Variants in MYO5B observed in about 807,000 individuals in gnomAD.
MYO5B encodes unconventional myosin-Vb.
MYO5B carries 143 observed loss-of-function variants against 229.3 expected under a neutral mutation model. The ratio of observed to expected loss-of-function variants is 0.62; its 90% CI spans 0.54 to 0.72. The LOEUF is 0.72. Ranked by LOEUF, MYO5B falls within the 30% of genes least tolerant of loss-of-function variation. MYO5B has a pLI of 0.00. For synonymous variants in MYO5B, 918 were observed against 885.2 expected, an observed-to-expected ratio of 1.04 and a Z score of -0.66; for missense variants, 2,321 against 2,331.0, an observed-to-expected ratio of 1.00 and a Z score of 0.09.
chr18:49,908,107 C>G (rs979587480), intron 18 of MYO5B, among the ~76,000 whole-genome samples: 1 of 152,200 alleles, frequency 6.6e-6, no homozygotes, highest in African/African-American at 2.4e-5. Flanking sequence ...GGCTGTCTAC[C>G]GCATCCAAGC....
chr18:49,927,174 A>T (rs2025138026), intron 17 of MYO5B, among the ~76,000 whole-genome samples: 1 of 152,208 alleles, frequency 6.6e-6, no homozygotes, highest in Non-Finnish European at 1.5e-5. Context: ...AGGAGGTGAA[A>T]GACCTCTACA....
At chr18:50,093,197 C>G (rs766857544) in intron 1 of MYO5B, among the ~76,000 whole-genome samples, 12,563 of 145,996 alleles carry the variant, frequency 0.086, 890 homozygotes, top group African/African-American at 0.2. Flanking sequence ...CACACACACA[C>G]ACACACACAG....
chr18:49,954,047 T>C (rs2144246248), intron 13 of MYO5B, among the ~76,000 whole-genome samples: 1 of 150,830 alleles, frequency 6.6e-6, no homozygotes, highest in East Asian at 2.0e-4. Flanking sequence ...TGTGTGTGTG[T>C]GTGTGTGTGT....
At chr18:49,888,777 G>C (rs551690772) in intron 22 of MYO5B, among the ~76,000 whole-genome samples, 1 of 152,158 alleles carries the variant, frequency 6.6e-6, no homozygotes, top group Admixed American at 6.5e-5. Flanking sequence ...AGGCTCTGTC[G>C]TTCCCATTCT....
chr18:50,140,771 C>T (rs926055563), intron 1 of MYO5B, among the ~76,000 whole-genome samples: 1 of 152,172 alleles, frequency 6.6e-6, no homozygotes, highest in Non-Finnish European at 1.5e-5. Context: ...CTTCTAACAC[C>T]AACTGCACAA....
Position 49,822,812 on chromosome 18 carries a change from C to G in MYO5B, c.*3659G>C, listed in dbSNP as rs2023785977. 1 of 139,308 alleles carries G rather than the reference C, an allele frequency of 7.2e-6. No homozygotes were observed. The highest frequency in any genetic ancestry group is 2.6e-5 in the African/African-American group (1 of 37,822). 8.6% of individuals were successfully genotyped at this position (139,308 alleles called of 1,614,324 possible). A position where few individuals can be genotyped will look rare whatever the true frequency, so the allele number is the denominator to read the frequency against. On this transcript the variant is annotated 3_prime_UTR_variant, in exon 40 of 40. Transcript: ENST00000285039. ...AATTTCATTTAGATTTGGCACACCTCTTTATTCAAAAGTATTTATTTCCAC... is the reference window on the plus strand; with the variant it reads ...AATTTCATTTAGATTTGGCACACCTGTTTATTCAAAAGTATTTATTTCCAC...
intron 8 of MYO5B, among the ~76,000 whole-genome samples, chr18:49,983,446 T>C (rs1230229440): frequency 6.6e-6 from 1 of 152,156 alleles, no homozygotes; most frequent in East Asian, 1.9e-4. Context: ...ACAAAACAGC[T>C]CTGGCCTGCA....
chr18:49,867,956 T>C (rs983666040), intron 27 of MYO5B, among the ~76,000 whole-genome samples: 8 of 152,170 alleles, frequency 5.3e-5, no homozygotes, highest in African/African-American at 1.9e-4. Flanking sequence ...ACAGGATTAT[T>C]TATAAAAGTA....
intron 4 of MYO5B, among the ~76,000 whole-genome samples, chr18:50,018,826 G>C (rs2026244169): frequency 6.6e-6 from 1 of 152,182 alleles, no homozygotes; most frequent in African/African-American, 2.4e-5. Flanking sequence ...CTCAAGCTAA[G>C]AAAGGTGGAT....
intron 7 of MYO5B, among the ~76,000 whole-genome samples, chr18:49,986,608 A>T (rs538985052): frequency 6.6e-6 from 1 of 152,352 alleles, no homozygotes; most frequent in East Asian, 1.9e-4. Context: ...GGAAAACCAC[A>T]TCAGATCTTT....
chr18:49,898,030 T>G (rs1482484419), intron 21 of MYO5B, among the ~76,000 whole-genome samples: 1 of 152,244 alleles, frequency 6.6e-6, no homozygotes, highest in Non-Finnish European at 1.5e-5. Flanking sequence ...GTGTTACACC[T>G]GCCTATGATA....
At chr18:49,888,152 A>C (rs116377937) in intron 22 of MYO5B, among the ~76,000 whole-genome samples, 1,980 of 152,228 alleles carry the variant, frequency 0.013, 44 homozygotes, top group African/African-American at 0.046. Context: ...CACTGTCAAC[A>C]TTCTGGGCTG....
intron 9 of MYO5B, among the ~76,000 whole-genome samples, chr18:49,978,520 C>A (rs1001371620): frequency 6.6e-6 from 1 of 152,116 alleles, no homozygotes; most frequent in Non-Finnish European, 1.5e-5. Flanking sequence ...TCTTACTCTC[C>A]TGTGTGCCAC....
At chr18:50,063,176 C>T (rs938016723) in intron 1 of MYO5B, among the ~76,000 whole-genome samples, 14 of 152,154 alleles carry the variant, frequency 9.2e-5, no homozygotes, top group East Asian at 1.9e-4. Flanking sequence ...AAGCTCAGCG[C>T]TTCCAGATTA....
At chr18:50,135,838 A>T (rs1408055811) in intron 1 of MYO5B, among the ~76,000 whole-genome samples, 3 of 152,226 alleles carry the variant, frequency 2.0e-5, no homozygotes, top group Non-Finnish European at 2.9e-5. Context: ...CTAAGTGCCA[A>T]GGACACACAA....
At chr18:50,131,633 G>A (rs953836869) in intron 1 of MYO5B, among the ~76,000 whole-genome samples, 3 of 152,160 alleles carry the variant, frequency 2.0e-5, no homozygotes, top group Non-Finnish European at 4.4e-5. Flanking sequence ...AGCAAGGTAG[G>A]CTGAATGGTG....
At chr18:50,117,239 C>A (rs748855327) in intron 1 of MYO5B, among the ~76,000 whole-genome samples, 4 of 151,804 alleles carry the variant, frequency 2.6e-5, no homozygotes, top group Non-Finnish European at 4.4e-5. Context: ...AAAATTTCTA[C>A]AAATAAGTCT....
At chr18:50,125,256 G>T in intron 1 of MYO5B, among the ~76,000 whole-genome samples, 1 of 151,778 alleles carries the variant, frequency 6.6e-6, no homozygotes, top group East Asian at 1.9e-4. Flanking sequence ...ATCATTCCGA[G>T]CAAACTGTCG....
intron 4 of MYO5B, among the ~76,000 whole-genome samples, chr18:50,032,986 CA>C (rs113726811): frequency 0.012 from 1,771 of 141,750 alleles, 31 homozygotes; most frequent in African/African-American, 0.042. Flanking sequence ...AAACTCATCT[CA>C]AAAAAAAAAA....
Sources: gnomAD v4.1 joint callset for allele counts (sites outside exome capture counted in the v4.1 genomes callset) on GRCh38, gnomAD v4.1.1 for gene constraint, MANE v1.5 for transcripts, NCBI Gene and HGNC (gene_info 2026-07-23, HGNC 2026-07-21) for gene names.